Variants in SEZ6L observed in about 807,000 individuals in gnomAD.
SEZ6L encodes the protein seizure related 6 homolog like.
SEZ6L carries 37 observed loss-of-function variants against 106.2 expected under a neutral mutation model. The ratio of observed to expected loss-of-function variants is 0.35; its 90% CI spans 0.27 to 0.46. SEZ6L has a LOEUF of 0.46. SEZ6L is among the 20% of genes least tolerant of loss of function. SEZ6L has a pLI of 1.00. For missense variants in SEZ6L, 1,172 were observed against 1,332.8 expected (o/e 0.88, Z 1.88); for synonymous variants, 541 against 570.4 (o/e 0.95, Z 0.73).
Position 26,375,256 on chromosome 22 carries a change from C to G in SEZ6L, c.2828-319C>G, listed in dbSNP as rs140692903. Among the ~76,000 whole-genome samples the G allele has an allele frequency of 2.0e-5, 3 of 152,334 alleles. No homozygotes were observed. In the East Asian group the frequency reaches 5.8e-4, roughly 29 times the overall value. On this transcript the variant is annotated intron_variant, in intron 14 of 16. Coordinates refer to ENST00000248933, the MANE Select transcript of SEZ6L (RefSeq NM_021115.5). The stretch of plus-strand genomic sequence containing the variant: ...CCAGTTACTGAATTTGGGATTTTCT[C>G]CAAGTCTTCCTGTGAATTGGACTTT...
At chr22:26,249,240 C>T (rs760559554) in intron 1 of SEZ6L, among the ~76,000 whole-genome samples, 10 of 152,170 alleles carry the variant, frequency 6.6e-5, no homozygotes, top group Admixed American at 1.3e-4. Flanking sequence ...TAGTCACCAT[C>T]TAGTGCTATA....
intron 1 of SEZ6L, among the ~76,000 whole-genome samples, chr22:26,273,632 C>T (rs559287478): frequency 6.6e-6 from 1 of 152,338 alleles, no homozygotes; most frequent in South Asian, 2.1e-4. Flanking sequence ...CAGTCCACTC[C>T]TCCGCATGCA....
chr22:26,225,165 C>T (rs1401388659), intron 1 of SEZ6L, among the ~76,000 whole-genome samples: 3 of 152,226 alleles, frequency 2.0e-5, no homozygotes, highest in African/African-American at 7.2e-5. Context: ...TTCTCCCAGG[C>T]TCAAGTAATT....
At chr22:26,332,005 T>C (rs138040558) in intron 9 of SEZ6L, among the ~76,000 whole-genome samples, 29 of 152,084 alleles carry the variant, frequency 1.9e-4, no homozygotes, top group Non-Finnish European at 3.8e-4. Context: ...TTAATTTAAT[T>C]TTTAAAAAAC....
intron 12 of SEZ6L, among the ~76,000 whole-genome samples, chr22:26,361,612 T>G (rs1190082996): frequency 1.3e-5 from 2 of 151,932 alleles, no homozygotes; most frequent in Non-Finnish European, 2.9e-5. Context: ...ATAATCAGTG[T>G]ATATTGGGTG....
At position 26,369,341 on chromosome 22, in the gene SEZ6L, C is replaced by CTTT. The variant is rs199641007; in HGVS notation, c.2794+3777_2794+3779dup. Among the ~76,000 whole-genome samples, 68 of 103,650 alleles carry CTTT rather than the reference C, an allele frequency of 6.6e-4. 8 individuals are homozygous for CTTT. Among genetic ancestry groups the CTTT allele is most frequent in the South Asian group, 2.4e-3 (6 of 2,480 alleles). 68.0% of individuals were successfully genotyped at this position (103,650 alleles called of 152,430 possible). A position where few individuals can be genotyped will look rare whatever the true frequency, so the allele number is the denominator to read the frequency against. On this transcript the variant is annotated intron_variant, in intron 13 of 16. Coordinates refer to ENST00000248933, the MANE Select transcript of SEZ6L (RefSeq NM_021115.5). ...ATGACAATGACTTATATAAGCAGTT[C>CTTT]TTTTGTTTTTTTTTTTGAGACAGAT...
chr22:26,227,802 A>G (rs765145516), intron 1 of SEZ6L, among the ~76,000 whole-genome samples: 1 of 152,174 alleles, frequency 6.6e-6, no homozygotes, highest in Non-Finnish European at 1.5e-5. Context: ...AGGCACTATG[A>G]TAGGCACTTG....
chr22:26,343,556 T>TA (rs2082913238), intron 10 of SEZ6L, among the ~76,000 whole-genome samples: 1 of 152,190 alleles, frequency 6.6e-6, no homozygotes, highest in Admixed American at 6.5e-5. Context: ...ATTTGGTTCA[T>TA]AAAAAATCCC....
At chr22:26,256,552 C>A (rs771421833) in intron 1 of SEZ6L, among the ~76,000 whole-genome samples, 4 of 152,182 alleles carry the variant, frequency 2.6e-5, no homozygotes, top group Non-Finnish European at 5.9e-5. Flanking sequence ...TCAGTGCCAC[C>A]CCAAAGAGGC....
At position 26,340,650 on chromosome 22, in the gene SEZ6L, T is replaced by G; in HGVS notation, c.2212+18T>G. On this transcript the variant is annotated intron_variant, in intron 10 of 16. Coordinates refer to ENST00000248933, the MANE Select transcript of SEZ6L (RefSeq NM_021115.5). The stretch of plus-strand genomic sequence containing the variant: ...CTACATAGGTAGGTGTCTCATCTGG[T>G]CAATTTATTTTTTCTTTGTGTTTAG... 5 of 1,591,136 alleles carry G rather than the reference T, an allele frequency of 3.1e-6. No homozygotes were observed. The highest frequency in any genetic ancestry group is 4.3e-6 in the Non-Finnish European group (5 of 1,168,030).
intron 1 of SEZ6L, among the ~76,000 whole-genome samples, chr22:26,206,811 G>A (rs1007504978): frequency 2.0e-5 from 3 of 152,192 alleles, no homozygotes; most frequent in South Asian, 2.1e-4. Context: ...GAGAAAGTTA[G>A]ATGAACTCAG....
In SEZ6L at chr22:26,366,348, A is replaced by G. The variant is rs575765180; in HGVS notation, c.2794+782A>G. Among the ~76,000 whole-genome samples, 5 of 151,988 alleles carry G rather than the reference A, an allele frequency of 3.3e-5. No individual in the cohort carries two copies. The South Asian group carries it at 1.0e-3, about 32-fold the overall frequency. ...GATTCTATCTAAAAAATGAAAACATAAAGGTCTTTAAGCTTTTTATCATAT... is the reference window on the plus strand; with the variant it reads ...GATTCTATCTAAAAAATGAAAACATGAAGGTCTTTAAGCTTTTTATCATAT... On this transcript the variant is annotated intron_variant, in intron 13 of 16. Transcript: ENST00000248933.
intron 13 of SEZ6L, among the ~76,000 whole-genome samples, chr22:26,370,189 T>A (rs1466325703): frequency 2.6e-5 from 4 of 152,068 alleles, no homozygotes; most frequent in African/African-American, 9.7e-5. Context: ...GAGACCATCC[T>A]GGCTAACACG....
intron 9 of SEZ6L, among the ~76,000 whole-genome samples, chr22:26,337,485 G>T (rs2082682579): frequency 6.6e-6 from 1 of 152,158 alleles, no homozygotes; most frequent in South Asian, 2.1e-4. Context: ...ATGAACAATT[G>T]ATGTTTTCAT....
In SEZ6L at chr22:26,382,115, C is replaced by T. The variant is rs2084427718; in HGVS notation, c.*1820C>T. 5.9e-6 allele frequency: 3 copies of T among 510,210 alleles called. No homozygotes were observed. Among genetic ancestry groups the T allele is most frequent in the African/African-American group, 3.9e-5 (2 of 51,560 alleles). 31.6% of individuals were successfully genotyped at this position (510,210 alleles called of 1,614,324 possible). On this transcript the variant is annotated 3_prime_UTR_variant, in exon 17 of 17. Transcript: ENST00000248933. ...AATCTTGCACATATACTCCTGAAGGCATGAGTGTGTGGTCCATGGCAAGAA... is the reference window on the plus strand; with the variant it reads ...AATCTTGCACATATACTCCTGAAGGTATGAGTGTGTGGTCCATGGCAAGAA...
At chr22:26,282,666 G>A (rs968523617) in intron 1 of SEZ6L, among the ~76,000 whole-genome samples, 9 of 152,190 alleles carry the variant, frequency 5.9e-5, no homozygotes, top group Admixed American at 3.3e-4. Context: ...GAGAAAGCTC[G>A]AGAGTACCTC....
At chr22:26,223,868 A>T (rs1004244298) in intron 1 of SEZ6L, among the ~76,000 whole-genome samples, 1 of 152,166 alleles carries the variant, frequency 6.6e-6, no homozygotes, top group Non-Finnish European at 1.5e-5. Flanking sequence ...GAGTTTGGGG[A>T]ATACTAGGCA....
At chr22:26,191,303 C>G (rs1021939477) in intron 1 of SEZ6L, among the ~76,000 whole-genome samples, 4 of 152,286 alleles carry the variant, frequency 2.6e-5, no homozygotes, top group South Asian at 4.2e-4. Flanking sequence ...CAATGCAGCA[C>G]TATTCACAAT....
chr22:26,257,271 G>A (rs2079853455), intron 1 of SEZ6L, among the ~76,000 whole-genome samples: 1 of 152,138 alleles, frequency 6.6e-6, no homozygotes, highest in South Asian at 2.1e-4. Flanking sequence ...TTGAAGAGAA[G>A]CACCCAATGC....
Sources: allele counts gnomAD v4.1 joint callset (sites outside exome capture counted in the v4.1 genomes callset), GRCh38; gene constraint gnomAD v4.1.1; transcripts MANE v1.5; gene names NCBI Gene and HGNC (gene_info 2026-07-23, HGNC 2026-07-21).